Variants in DRAM1 observed in about 807,000 individuals in gnomAD.
DRAM1 encodes DNA damage regulated autophagy modulator 1, also known as DNA damage-regulated autophagy modulator protein 1.
A neutral mutation model predicts 28.5 loss-of-function variants in DRAM1; 25 were observed. The ratio of observed to expected loss-of-function variants is 0.88; its 90% CI spans 0.64 to 1.23. The LOEUF is 1.23. Ranked by LOEUF, DRAM1 falls within the 50% of genes most tolerant of loss-of-function variation. DRAM1 has a pLI of 0.00. For synonymous variants in DRAM1, 113 were observed against 114.2 expected, an observed-to-expected ratio of 0.99 and a Z score of 0.07; for missense variants, 249 against 299.2, an observed-to-expected ratio of 0.83 and a Z score of 1.24.
intron 1 of DRAM1, among the ~76,000 whole-genome samples, chr12:101,882,037 A>G (rs923763011): frequency 1.1e-4 from 17 of 151,822 alleles, no homozygotes; most frequent in Admixed American, 1.1e-3. Context: ...GTGGCTAGTC[A>G]GTGATTTGAA....
chr12:101,914,056 A>G, intron 4 of DRAM1, 118 bp from the exon 5 acceptor site: 1 of 495,926 alleles, frequency 2.0e-6, no homozygotes, highest in Non-Finnish European at 3.3e-6. Flanking sequence ...GATGATAGAA[A>G]TGTTGGTATT....
intron 1 of DRAM1, among the ~76,000 whole-genome samples, chr12:101,886,365 C>T (rs61935796): frequency 0.11 from 16,824 of 152,164 alleles, 991 homozygotes; most frequent in Middle Eastern, 0.18. Flanking sequence ...AATAATTGCA[C>T]GTACTTCATT....
In DRAM1 at chr12:101,901,277, C is replaced by A; in HGVS notation, c.200-14C>A. On this transcript the variant is annotated splice_polypyrimidine_tract_variant and intron_variant, in intron 2 of 6. Coordinates refer to ENST00000258534, the MANE Select transcript of DRAM1 (RefSeq NM_018370.3). ...CAAATTATGAACATTCATCAAAGTT[C>A]TCTTCTTTTTCAGGTGCAGCCACGA... is the stretch of plus-strand genomic sequence containing the variant. The A allele has an allele frequency of 6.2e-7, 1 of 1,605,786 alleles. No individual in the cohort carries two copies. Among genetic ancestry groups the A allele is most frequent in the Non-Finnish European group, 8.5e-7 (1 of 1,176,768 alleles).
At chr12:101,901,738 G>A (rs1873611334) in intron 3 of DRAM1, among the ~76,000 whole-genome samples, 2 of 152,082 alleles carry the variant, frequency 1.3e-5, no homozygotes, top group Admixed American at 1.3e-4. Flanking sequence ...AATTAGCCAG[G>A]TGTGGCGTCA....
At chr12:101,879,397 A>G (rs956802480) in intron 1 of DRAM1, among the ~76,000 whole-genome samples, 4 of 152,206 alleles carry the variant, frequency 2.6e-5, no homozygotes, top group Non-Finnish European at 5.9e-5. Context: ...GATGTTATGT[A>G]TATCAAGATG....
At chr12:101,907,683 G>A (rs1010249578) in intron 3 of DRAM1, among the ~76,000 whole-genome samples, 1 of 152,176 alleles carries the variant, frequency 6.6e-6, no homozygotes, top group Non-Finnish European at 1.5e-5. Flanking sequence ...AGGTTGCAGT[G>A]AGCCGAGTTC....
intron 5 of DRAM1, among the ~76,000 whole-genome samples, chr12:101,916,540 C>T (rs976585200): frequency 5.3e-5 from 8 of 152,106 alleles, no homozygotes; most frequent in African/African-American, 1.9e-4. Flanking sequence ...CACATGGAAC[C>T]AAATGTTTGA....
chr12:101,902,811 T>C (rs557414450), intron 3 of DRAM1, among the ~76,000 whole-genome samples: 1 of 152,368 alleles, frequency 6.6e-6, no homozygotes, highest in South Asian at 2.1e-4. Context: ...ACAACTTCCT[T>C]GTTTGGTATC....
In DRAM1 at chr12:101,877,806, G is replaced by C; in HGVS notation, c.17G>C (p.Arg6Thr). 1 of 1,539,470 alleles carries C rather than the reference G, an allele frequency of 6.5e-7. No homozygotes were observed. Among genetic ancestry groups the C allele is most frequent in the Non-Finnish European group, 8.8e-7 (1 of 1,141,394 alleles). Reference protein sequence around the residue: MLCFLRGMAFVPFLLV... With the variant: MLCFLTGMAFVPFLLV... Reference sequence around the variant, plus strand: ...GGCGGCGCGATGCTGTGCTTCCTGAGGGGAATGGCTTTCGTCCCCTTCCTC... The same window carrying C: ...GGCGGCGCGATGCTGTGCTTCCTGACGGGAATGGCTTTCGTCCCCTTCCTC... The change falls in exon 1 of 7, where the codon AGG becomes ACG. Residue 6 changes from arginine (R) to threonine (T), a missense_variant. Arg to Thr is a moderately conservative substitution (Grantham distance 71). Transcript: ENST00000258534. The surrounding 1 kb of genome is among the most constrained non-coding windows in gnomAD (Gnocchi z 4.1).
chr12:101,899,170 G>A (rs1194408896), intron 2 of DRAM1, among the ~76,000 whole-genome samples: 3 of 152,110 alleles, frequency 2.0e-5, no homozygotes, highest in South Asian at 4.1e-4. Context: ...AAGTTTCACC[G>A]CATCACCATT....
At chr12:101,905,858 C>T (rs1159087372) in intron 3 of DRAM1, among the ~76,000 whole-genome samples, 2 of 152,084 alleles carry the variant, frequency 1.3e-5, no homozygotes, top group Admixed American at 6.6e-5. Flanking sequence ...GGCACAATCT[C>T]GGCTTACTGC....
chr12:101,917,763 C>A (rs1212589477), intron 5 of DRAM1, among the ~76,000 whole-genome samples: 3 of 141,222 alleles, frequency 2.1e-5, no homozygotes, highest in African/African-American at 8.7e-5. Flanking sequence ...TAGGTTAGAC[C>A]TAGGCAAAAG....
intron 1 of DRAM1, among the ~76,000 whole-genome samples, chr12:101,895,142 G>A (rs1340633828): frequency 6.9e-6 from 1 of 145,610 alleles, no homozygotes; most frequent in Non-Finnish European, 1.5e-5. Context: ...GTGAAAAATG[G>A]TTATTGTAGG....
chr12:101,914,149 T>A (rs1874145269), intron 4 of DRAM1, 25 bp from the exon 5 acceptor site: 2 of 1,563,316 alleles, frequency 1.3e-6, no homozygotes, highest in Non-Finnish European at 1.7e-6. Flanking sequence ...GTGCTGTAGT[T>A]TCCTTAACTG....
At chr12:101,904,841 C>A (rs1163552643) in intron 3 of DRAM1, among the ~76,000 whole-genome samples, 1 of 151,966 alleles carries the variant, frequency 6.6e-6, no homozygotes, top group Non-Finnish European at 1.5e-5. Flanking sequence ...AGAAAGAGTG[C>A]CGGGTTTTAA....
At chr12:101,882,237 T>C (rs975174402) in intron 1 of DRAM1, among the ~76,000 whole-genome samples, 1 of 147,646 alleles carries the variant, frequency 6.8e-6, no homozygotes, top group Non-Finnish European at 1.5e-5. Context: ...GCCTCCCGAG[T>C]AGCTGGGACT....
intron 4 of DRAM1, among the ~76,000 whole-genome samples, chr12:101,911,923 TAG>T (rs2121148198): frequency 6.6e-6 from 1 of 152,172 alleles, no homozygotes; most frequent in South Asian, 2.1e-4. Context: ...AAAATTAAGT[TAG>T]GGGTCAGGCA....
chr12:101,885,341 G>A (rs1410703522), intron 1 of DRAM1, among the ~76,000 whole-genome samples: 9 of 152,088 alleles, frequency 5.9e-5, no homozygotes, highest in Admixed American at 2.6e-4. Flanking sequence ...GTCAAGCGCT[G>A]ACTTTCAGTA....
intron 3 of DRAM1, among the ~76,000 whole-genome samples, chr12:101,902,486 A>G (rs555730534): frequency 5.9e-5 from 9 of 152,248 alleles, no homozygotes; most frequent in Non-Finnish European, 1.0e-4. Flanking sequence ...GGATGCACAC[A>G]CACACAAAAT....
Sources: gnomAD v4.1 joint callset for allele counts (sites outside exome capture counted in the v4.1 genomes callset) on GRCh38, gnomAD v4.1.1 for gene constraint, Gnocchi (gnomAD v3.1) non-coding constraint, MANE v1.5 for transcripts, NCBI Gene and HGNC (gene_info 2026-07-23, HGNC 2026-07-21) for gene names.